ST7: variants seen among roughly 807,000 people sequenced by gnomAD.
ST7 encodes suppressor of tumorigenicity 7 protein.
A neutral mutation model predicts 78.7 loss-of-function variants in ST7; 28 were observed. That is an observed-to-expected ratio of 0.36 (90% CI 0.26 to 0.49). The LOEUF (loss-of-function observed/expected upper bound fraction) is 0.49, where lower values mean the gene tolerates loss of function less well. ST7 is among the 20% of genes least tolerant of loss of function. The probability of loss-of-function intolerance (pLI) is 0.99; values close to 1 mark genes in which losing one functional copy is unlikely to be tolerated. For missense variants in ST7, 418 were observed against 696.0 expected, an observed-to-expected ratio of 0.60 and a Z score of 4.49; for synonymous variants, 247 against 249.6, an observed-to-expected ratio of 0.99 and a Z score of 0.10.
intron 9 of ST7, chr7:117,146,485 C>T (rs1805798626): frequency 6.6e-6 from 1 of 152,234 alleles, no homozygotes; most frequent in South Asian, 2.1e-4. Context: ...AGGTTTTGAA[C>T]AGAGGAGTGA....
intron 1 of ST7, among the ~76,000 whole-genome samples, chr7:117,009,266 TTTTTG>T (rs1795283423): frequency 1.4e-4 from 4 of 28,406 alleles, no homozygotes; most frequent in Middle Eastern, 0.011. Context: ...TGTTTTTTTT[TTTTTG>T]TTTTTGGCCT....
At chr7:117,090,711 A>G (rs1340907617) in intron 1 of ST7, 1 of 167,134 alleles carries the variant, frequency 6.0e-6, no homozygotes, top group Non-Finnish European at 1.5e-5. Flanking sequence ...TAAAAATATA[A>G]TAAGACTTAC....
chr7:117,194,405 C>G (rs748540668), intron 12 of ST7, among the ~76,000 whole-genome samples: 1 of 152,170 alleles, frequency 6.6e-6, no homozygotes, highest in Non-Finnish European at 1.5e-5. Flanking sequence ...ACCCTGTTGC[C>G]CCTTCACCAC....
At chr7:116,970,559 C>G (rs550259629) in intron 1 of ST7, among the ~76,000 whole-genome samples, 1 of 152,280 alleles carries the variant, frequency 6.6e-6, no homozygotes, top group South Asian at 2.1e-4. Flanking sequence ...CGTGTCTCTT[C>G]TTATAAGGGA....
intron 2 of ST7, among the ~76,000 whole-genome samples, chr7:117,115,617 G>C (rs1424846592): frequency 6.6e-6 from 1 of 152,146 alleles, no homozygotes; most frequent in Admixed American, 6.5e-5. Flanking sequence ...GCCTCCCAAA[G>C]TGTTGCGATT....
intron 1 of ST7, among the ~76,000 whole-genome samples, chr7:116,960,194 G>GT (rs1181327340): frequency 1.3e-5 from 2 of 148,926 alleles, no homozygotes; most frequent in Admixed American, 6.7e-5. Flanking sequence ...TTTTTGTTTT[G>GT]TTTTTTTGTT....
intron 1 of ST7, among the ~76,000 whole-genome samples, chr7:116,976,084 A>G (rs888885929): frequency 2.6e-5 from 4 of 152,010 alleles, no homozygotes; most frequent in African/African-American, 9.7e-5. Context: ...AACATGGTGA[A>G]ACCCCTTCTC....
At chr7:117,199,409 C>T (rs1273801885) in intron 12 of ST7, among the ~76,000 whole-genome samples, 1 of 152,148 alleles carries the variant, frequency 6.6e-6, no homozygotes, top group African/African-American at 2.4e-5. Flanking sequence ...AAGAGGAATT[C>T]GTCCATTTTC....
intron 1 of ST7, among the ~76,000 whole-genome samples, chr7:117,011,247 C>G (rs73714372): frequency 0.018 from 2,687 of 152,224 alleles, 66 homozygotes; most frequent in African/African-American, 0.06. Context: ...CAGGAGGAGG[C>G]TCCCCAGAAC....
intron 12 of ST7, among the ~76,000 whole-genome samples, chr7:117,207,310 A>AT (rs2115992441): frequency 6.6e-6 from 1 of 151,944 alleles, no homozygotes; most frequent in South Asian, 2.1e-4. Flanking sequence ...CGCCCAGCTA[A>AT]TTTTTGTATT....
At chr7:117,181,341 G>A (rs559025304) in intron 10 of ST7, among the ~76,000 whole-genome samples, 90 of 152,246 alleles carry the variant, frequency 5.9e-4, no homozygotes, top group African/African-American at 2.1e-3. Context: ...TGATGATAGG[G>A]AAAGTAAAAG....
At chr7:117,030,590 T>G (rs1015502568) in intron 1 of ST7, among the ~76,000 whole-genome samples, 1 of 152,094 alleles carries the variant, frequency 6.6e-6, no homozygotes, top group Non-Finnish European at 1.5e-5. Flanking sequence ...GAAAAAATGG[T>G]CAATATCACT....
chr7:117,182,612 G>C (rs1445417085), intron 10 of ST7: 1 of 152,102 alleles, frequency 6.6e-6, no homozygotes, highest in African/African-American at 2.4e-5. Flanking sequence ...GGAGGTGGGG[G>C]GTATTGTTGA....
intron 1 of ST7, among the ~76,000 whole-genome samples, chr7:117,010,456 A>G (rs144842177): frequency 6.6e-6 from 1 of 152,316 alleles, no homozygotes; most frequent in African/African-American, 2.4e-5. Context: ...AGCAAAGCCA[A>G]TGAGGATGAC....
intron 1 of ST7, chr7:116,954,452 C>T (rs1029439902): frequency 6.6e-6 from 1 of 152,266 alleles, no homozygotes; most frequent in Non-Finnish European, 1.5e-5. Flanking sequence ...GTCTCCCTTC[C>T]CTGTAAAGCT....
At chr7:117,139,397 G>A (rs1397627520) in intron 9 of ST7, among the ~76,000 whole-genome samples, 1 of 152,116 alleles carries the variant, frequency 6.6e-6, no homozygotes, top group Non-Finnish European at 1.5e-5. Flanking sequence ...GATAAAAGTG[G>A]CATCTTGCTC....
intron 1 of ST7, among the ~76,000 whole-genome samples, chr7:116,966,826 T>C (rs915069160): frequency 6.6e-6 from 1 of 152,216 alleles, no homozygotes; most frequent in African/African-American, 2.4e-5. Flanking sequence ...TCCCTTCTAG[T>C]CCTGGCACAT....
chr7:117,200,138 A>T (rs1323793326), intron 12 of ST7, among the ~76,000 whole-genome samples: 1 of 152,186 alleles, frequency 6.6e-6, no homozygotes, highest in Non-Finnish European at 1.5e-5. Context: ...TTGTACAAAA[A>T]CAAATAATTT....
chr7:117,052,189 G>A (rs1176092161), intron 1 of ST7, among the ~76,000 whole-genome samples: 1 of 152,112 alleles, frequency 6.6e-6, no homozygotes, highest in Admixed American at 6.5e-5. Flanking sequence ...ATCACTTATT[G>A]CTGTGGTGCA....
Sources: allele counts gnomAD v4.1 joint callset (sites outside exome capture counted in the v4.1 genomes callset), GRCh38; gene constraint gnomAD v4.1.1; transcripts MANE v1.5; gene names NCBI Gene and HGNC (gene_info 2026-07-23, HGNC 2026-07-21).